The following PLEKHS1 variants were observed in gnomAD, a reference collection of about 807,000 sequenced individuals.
The protein encoded by PLEKHS1 is pleckstrin homology domain containing S1, also known as pleckstrin homology domain-containing family S member 1.
PLEKHS1 carries 55 observed loss-of-function variants against 51.0 expected under a neutral mutation model. The ratio of observed to expected loss-of-function variants is 1.08; its 90% CI spans 0.87 to 1.35. PLEKHS1 has a LOEUF of 1.35. PLEKHS1 is among the 40% of genes most tolerant of loss of function. The pLI is 0.00. For synonymous variants in PLEKHS1, 153 were observed against 144.8 expected (o/e 1.06, Z -0.41); for missense variants, 398 against 423.0 (o/e 0.94, Z 0.52).
chr10:113,765,318 C>T lies in PLEKHS1; in HGVS notation c.29-1093C>T, dbSNP rs1844111367. Reference sequence around the variant, plus strand: ...TTAGTGTAGAGCTAATTATTCCTCACACTGAGGCAAGACATTCCTGAGTAC... The same window carrying T: ...TTAGTGTAGAGCTAATTATTCCTCATACTGAGGCAAGACATTCCTGAGTAC... On this transcript the variant is annotated intron_variant, in intron 2 of 11. Coordinates refer to ENST00000361048, the Ensembl canonical transcript of PLEKHS1. The T allele has an allele frequency of 9.0e-6, 7 of 777,510 alleles. No individual in the cohort carries two copies. In the South Asian group the frequency reaches 9.4e-5, roughly 10 times the overall value. The allele number at this position is 777,510 out of a possible 1,614,324, so 48.2% of individuals were successfully genotyped here. A position where few individuals can be genotyped will look rare whatever the true frequency, so the allele number is the denominator to read the frequency against.
intron 2 of PLEKHS1, among the ~76,000 whole-genome samples, chr10:113,761,367 T>C (rs1843919682): frequency 6.6e-6 from 1 of 152,170 alleles, no homozygotes; most frequent in South Asian, 2.1e-4. Context: ...ATAGATTGCT[T>C]TAGGTAGTAT....
intron 1 of PLEKHS1, among the ~76,000 whole-genome samples, chr10:113,752,495 CT>C (rs1487497434): frequency 2.0e-5 from 3 of 152,110 alleles, no homozygotes; most frequent in African/African-American, 4.8e-5. Flanking sequence ...ATTTATTGAG[CT>C]TCTATTATGT....
At chr10:113,766,338 A>G in intron 2 of PLEKHS1, 73 bp from the exon 3 acceptor site, 1 of 888,554 alleles carries the variant, frequency 1.1e-6, no homozygotes, top group East Asian at 2.4e-5. Flanking sequence ...AGAGATAAAC[A>G]GTGTTTTCCA....
intron 1 of PLEKHS1, among the ~76,000 whole-genome samples, chr10:113,752,999 T>G (rs1379004394): frequency 6.6e-6 from 1 of 152,244 alleles, no homozygotes; most frequent in Non-Finnish European, 1.5e-5. Flanking sequence ...GAAGCCATTC[T>G]GAACACAAAA....
In PLEKHS1 at chr10:113,771,958, T is replaced by C; in HGVS notation, c.553-12T>C. The C allele has an allele frequency of 6.3e-7, 1 of 1,595,700 alleles. No individual in the cohort carries two copies. Among genetic ancestry groups the C allele is most frequent in the Non-Finnish European group, 8.5e-7 (1 of 1,175,342 alleles). On this transcript the variant is annotated splice_polypyrimidine_tract_variant and intron_variant, in intron 7 of 11. Transcript: ENST00000361048. Reference sequence around the variant, plus strand: ...AAAGAAAAAGCAAAGCATTTTTATCTCTTTTCTTCAGCATTTAATGGAACA... The same window carrying C: ...AAAGAAAAAGCAAAGCATTTTTATCCCTTTTCTTCAGCATTTAATGGAACA...
chr10:113,780,654 C>T, exon 12 of PLEKHS1: 1 of 1,613,862 alleles, frequency 6.2e-7, no homozygotes, highest in Non-Finnish European at 8.5e-7. Context: ...TTCCATGCTG[C>T]ATCCTGTATG....
chr10:113,767,212 A>G, intron 4 of PLEKHS1, 133 bp from the exon 5 acceptor site: 2 of 640,852 alleles, frequency 3.1e-6, no homozygotes, highest in Non-Finnish European at 4.6e-6. Flanking sequence ...TTATCTTCTA[A>G]AATTATTGGA....
exon 12 of PLEKHS1, chr10:113,780,968 C>T: frequency 1.7e-6 from 1 of 602,046 alleles, no homozygotes; most frequent in Non-Finnish European, 2.9e-6. Context: ...GGTCATGTGG[C>T]ATGATTGGAG....
At chr10:113,766,821 C>T in intron 4 of PLEKHS1, 103 bp downstream of exon 4, 1 of 808,852 alleles carries the variant, frequency 1.2e-6, no homozygotes, top group African/African-American at 1.8e-5. Flanking sequence ...CCAAAGGAAC[C>T]TGCTTCAAGC....
chr10:113,775,404 G>C (rs1356217477), intron 10 of PLEKHS1, among the ~76,000 whole-genome samples: 1 of 152,106 alleles, frequency 6.6e-6, no homozygotes, highest in Non-Finnish European at 1.5e-5. Flanking sequence ...ACCAGGAGGG[G>C]GTTATTTAGG....
At chr10:113,765,287 T>A (rs1157634626) in intron 2 of PLEKHS1, 4 of 766,548 alleles carry the variant, frequency 5.2e-6, no homozygotes, top group Non-Finnish European at 9.7e-6. Flanking sequence ...AGTGTAGAAC[T>A]AGTAATTAGT....
In PLEKHS1 at chr10:113,754,815, C is replaced by A. The variant is rs533665448; in HGVS notation, c.-19-444C>A. Among the ~76,000 whole-genome samples the A allele has an allele frequency of 2.0e-5, 3 of 152,296 alleles. No individual in the cohort carries two copies. The East Asian group carries it at 5.8e-4, about 29-fold the overall frequency. ...GTTCTTAAGTTTCCCCTGGAGAAAG[C>A]AAGCCCCTGGGCATGGAGAAAGGCT... On this transcript the variant is annotated intron_variant, in intron 1 of 11. Transcript: ENST00000361048.
intron 1 of PLEKHS1, among the ~76,000 whole-genome samples, 153 bp downstream of exon 1, chr10:113,751,914 C>T (rs1400085303): frequency 6.6e-6 from 1 of 152,154 alleles, no homozygotes; most frequent in Non-Finnish European, 1.5e-5. Context: ...GCTTCCTAGG[C>T]TATACTATAG....
chr10:113,755,178 TACTC>T, intron 1 of PLEKHS1, 77 bp from the exon 2 acceptor site: 1 of 1,457,648 alleles, frequency 6.9e-7, no homozygotes, highest in South Asian at 1.4e-5. Context: ...ACAATCCTGA[TACTC>T]ACTGACCAGC....
intron 6 of PLEKHS1, 101 bp downstream of exon 6, chr10:113,768,991 T>A: frequency 1.4e-6 from 1 of 732,246 alleles, no homozygotes; most frequent in Non-Finnish European, 2.2e-6. Flanking sequence ...TAACTGGCTT[T>A]AATACAAGGA....
intron 11 of PLEKHS1, chr10:113,777,814 A>C (rs1422657013): frequency 3.6e-6 from 5 of 1,405,624 alleles, no homozygotes; most frequent in Non-Finnish European, 4.6e-6. Flanking sequence ...TCCTCATAGA[A>C]TATTGCAAGA....
At chr10:113,756,149 G>C (rs1200442920) in intron 2 of PLEKHS1, among the ~76,000 whole-genome samples, 12 of 152,284 alleles carry the variant, frequency 7.9e-5, no homozygotes, top group Non-Finnish European at 1.8e-4. Flanking sequence ...GAGTCTTTGT[G>C]CTTTATGTTG....
chr10:113,765,444 C>A lies in PLEKHS1; in HGVS notation c.29-967C>A. The A allele has an allele frequency of 1.3e-5, 10 of 777,140 alleles. No homozygotes were observed. The South Asian group carries it at 1.3e-4, about 10-fold the overall frequency. 48.1% of individuals were successfully genotyped at this position (777,140 alleles called of 1,614,324 possible). On this transcript the variant is annotated intron_variant, in intron 2 of 11. Transcript: ENST00000361048. ...TGTATTTTAATGGTTCTTTCTCTGG[C>A]CTCAGGTAGTTTCAGCACACACATG... is the stretch of plus-strand genomic sequence containing the variant.
At position 113,774,338 on chromosome 10, in the gene PLEKHS1, G is replaced by A. The variant is rs1844553820; in HGVS notation, c.779+5G>A. The A allele has an allele frequency of 6.5e-7, 1 of 1,527,598 alleles. No homozygotes were observed. Among genetic ancestry groups the A allele is most frequent in the Non-Finnish European group, 8.9e-7 (1 of 1,129,628 alleles). 94.6% of individuals were successfully genotyped at this position (1,527,598 alleles called of 1,614,324 possible). A position where few individuals can be genotyped will look rare whatever the true frequency, so the allele number is the denominator to read the frequency against. Reference sequence around the variant, plus strand: ...TTATGAGCCAATGGAATCCTAGTAAGTCAAAATGCCGTTTCAAAATTTGAT... The same window carrying A: ...TTATGAGCCAATGGAATCCTAGTAAATCAAAATGCCGTTTCAAAATTTGAT... On this transcript the variant is annotated splice_donor_5th_base_variant and intron_variant, in intron 9 of 11. Transcript: ENST00000361048.
Sources: allele counts gnomAD v4.1 joint callset (sites outside exome capture counted in the v4.1 genomes callset), GRCh38; gene constraint gnomAD v4.1.1; transcripts MANE v1.5; gene names NCBI Gene and HGNC (gene_info 2026-07-23, HGNC 2026-07-21).